The following DEAF1 variants were observed in gnomAD, a reference collection of about 807,000 sequenced individuals.
The protein encoded by DEAF1 is deformed epidermal autoregulatory factor 1 homolog.
In DEAF1, 53 loss-of-function variants were observed where a neutral mutation model predicts 58.9. The observed-to-expected ratio is 0.90, with a 90% CI of 0.72 to 1.13. The LOEUF is 1.13. Among genes scored for constraint, DEAF1 ranks in the 50% most tolerant of loss-of-function variants. The pLI, the probability that DEAF1 is intolerant of heterozygous loss-of-function variation, is 0.00. For synonymous variants in DEAF1, 385 were observed against 340.4 expected, an observed-to-expected ratio of 1.13 and a Z score of -1.44; for missense variants, 685 against 791.4, an observed-to-expected ratio of 0.87 and a Z score of 1.61.
rs188316553 is a variant in DEAF1, at chr11:662,025, G to A, written c.1504-7974C>T. Reference sequence around the variant, plus strand: ...TCTTAAAACATTATGGGCCGGGCGCGGTGGCTCATGCCTATAATCCCAACA... The same window carrying A: ...TCTTAAAACATTATGGGCCGGGCGCAGTGGCTCATGCCTATAATCCCAACA... On this transcript the variant is annotated intron_variant, in intron 10 of 11. Coordinates refer to ENST00000382409, the MANE Select transcript of DEAF1 (RefSeq NM_021008.4). Among the ~76,000 whole-genome samples, 460 of 152,240 alleles carry A rather than the reference G, an allele frequency of 3.0e-3. 3 individuals carry two copies. Among genetic ancestry groups the A allele is most frequent in the South Asian group, 7.0e-3 (34 of 4,826 alleles).
At chr11:651,842 C>G (rs1339849505) in intron 11 of DEAF1, among the ~76,000 whole-genome samples, 1 of 152,190 alleles carries the variant, frequency 6.6e-6, no homozygotes, top group South Asian at 2.1e-4. Context: ...GCTGAGATGG[C>G]GCCACTACAC....
At chr11:699,010 G>C, upstream of DEAF1, 5 of 1,202,156 alleles carry the variant, frequency 4.2e-6, no homozygotes, top group South Asian at 3.6e-5. Flanking sequence ...CTTTGGAGAG[G>C]GGGGTGTTCC....
intron 10 of DEAF1, among the ~76,000 whole-genome samples, chr11:659,553 C>G (rs1006512399): frequency 6.6e-6 from 1 of 152,194 alleles, no homozygotes; most frequent in Non-Finnish European, 1.5e-5. Context: ...CTCGATGGAG[C>G]CAACTCCGTG....
At chr11:645,662 C>T (rs912061721) in intron 11 of DEAF1, among the ~76,000 whole-genome samples, 1 of 152,170 alleles carries the variant, frequency 6.6e-6, no homozygotes, top group Non-Finnish European at 1.5e-5. Flanking sequence ...AAACTGGAAC[C>T]AGCCCGTGGC....
At chr11:656,682 C>T (rs1173146815) in intron 10 of DEAF1, among the ~76,000 whole-genome samples, 8 of 152,046 alleles carry the variant, frequency 5.3e-5, no homozygotes, top group Non-Finnish European at 1.0e-4. Context: ...CACGGGTCTC[C>T]GTGTCCAGCA....
At chr11:698,838 A>G (rs1861315989), upstream of DEAF1, 4 of 1,614,034 alleles carry the variant, frequency 2.5e-6, no homozygotes, top group African/African-American at 4.0e-5. Flanking sequence ...GGTGGCTGTC[A>G]GGCCTTGCTC....
chr11:648,465 G>A (rs946739712), intron 11 of DEAF1, among the ~76,000 whole-genome samples: 8 of 152,190 alleles, frequency 5.3e-5, no homozygotes, highest in African/African-American at 1.4e-4. Flanking sequence ...AAAGTGCTGG[G>A]ATTACAGGCG....
rs1858409894 is a variant in DEAF1, at chr11:644,873, AAAC to A, written c.1594-222_1594-220del. The stretch of plus-strand genomic sequence containing the variant: ...GGTTTGAGGAATTGGATCAAAAGGC[AAAC>A]AACAGGCAGGGCACGGTGGCTCACG... On this transcript the variant is annotated intron_variant, in intron 11 of 11. Transcript: ENST00000382409. The surrounding 1 kb of genome is among the most constrained non-coding windows in gnomAD (Gnocchi z 4.3). Among the ~76,000 whole-genome samples the A allele has an allele frequency of 6.6e-6, 1 of 152,170 alleles. No individual in the cohort carries two copies. Among genetic ancestry groups the A allele is most frequent in the African/African-American group, 2.4e-5 (1 of 41,436 alleles).
intron 10 of DEAF1, chr11:654,627 G>T (rs1188298043): frequency 1.3e-5 from 6 of 454,876 alleles, no homozygotes; most frequent in Non-Finnish European, 2.2e-5. Flanking sequence ...GTAATCCCAG[G>T]ACTTTGGGCA....
At chr11:692,581 G>C (rs1053032306) in intron 1 of DEAF1, among the ~76,000 whole-genome samples, 1 of 152,168 alleles carries the variant, frequency 6.6e-6, no homozygotes, top group African/African-American at 2.4e-5. Context: ...AGCCGGGCGC[G>C]GTGGCTCACG....
At position 688,133 on chromosome 11, in the gene DEAF1, C is replaced by T; in HGVS notation, c.518-76G>A. 6.3e-7 allele frequency: 1 copy of T among 1,598,082 alleles called. No individual in the cohort carries two copies. The highest frequency in any genetic ancestry group is 8.6e-7 in the Non-Finnish European group (1 of 1,168,970). ...AGTACACTCTCATCTCAGACACCACCTCCCCGGCAGCGCCACCTCCTTCAA... is the reference window on the plus strand; with the variant it reads ...AGTACACTCTCATCTCAGACACCACTTCCCCGGCAGCGCCACCTCCTTCAA... On this transcript the variant is annotated intron_variant, in intron 3 of 11. Coordinates refer to ENST00000382409, the MANE Select transcript of DEAF1 (RefSeq NM_021008.4). The surrounding 1 kb of genome is among the most constrained non-coding windows in gnomAD (Gnocchi z 4.3).
At chr11:651,034 C>G (rs1858744519) in intron 11 of DEAF1, 1 of 153,520 alleles carries the variant, frequency 6.5e-6, no homozygotes, top group Admixed American at 6.5e-5. Context: ...GTGATCTTGG[C>G]TTACTGCAAC....
At chr11:700,749 T>TTGC in intron 1 of DEAF1, 2 of 1,527,032 alleles carry the variant, frequency 1.3e-6, no homozygotes, top group Non-Finnish European at 1.8e-6. Flanking sequence ...GTCCTAAGAG[T>TTGC]TGCTATCTGT....
chr11:665,835 C>A (rs796431692), intron 10 of DEAF1: 12 of 152,396 alleles, frequency 7.9e-5, no homozygotes, highest in African/African-American at 2.9e-4. Context: ...GCTGCAGTCA[C>A]CCTGGCCAGA....
chr11:691,443 C>A, intron 2 of DEAF1, 58 bp downstream of exon 2: 1 of 1,527,686 alleles, frequency 6.5e-7, no homozygotes, highest in Non-Finnish European at 9.0e-7. Context: ...CTCGGGGAAG[C>A]CGGAGGCCCC....
chr11:705,810 C>T (rs1406434709), intron 1 of DEAF1, among the ~76,000 whole-genome samples: 1 of 152,212 alleles, frequency 6.6e-6, no homozygotes, highest in Non-Finnish European at 1.5e-5. Context: ...GCGCTGCCCC[C>T]GAAGTCCCAT....
chr11:703,439 G>T, intron 1 of DEAF1: 1 of 1,288,942 alleles, frequency 7.8e-7, no homozygotes, highest in South Asian at 2.8e-5. Context: ...AGTGGGGTCT[G>T]GCTTTAGCAG....
In DEAF1 at chr11:687,953, G is replaced by A. The variant is rs1009783749; in HGVS notation, c.622C>T (p.Arg208Trp). 1 of 1,614,074 alleles carries A rather than the reference G, an allele frequency of 6.2e-7. No individual in the cohort carries two copies. The highest frequency in any genetic ancestry group is 8.5e-7 in the Non-Finnish European group (1 of 1,180,022). The change falls in exon 4 of 12, where the codon CGG (arginine) becomes TGG (tryptophan). Residue 208 changes from arginine (R) to tryptophan (W), a missense_variant. Coordinates refer to ENST00000382409, the MANE Select transcript of DEAF1 (RefSeq NM_021008.4). ...VYDSELPVRCRNISGTLYKNR... is the reference protein window; with the variant it reads ...VYDSELPVRCWNISGTLYKNR... ...TTGTACAGAGTGCCGCTGATGTTCC[G>A]GCACCGTACGGGCAGCTCACTGTCG... is the stretch of plus-strand genomic sequence containing the variant.
At chr11:685,074 T>C (rs1413502738) in intron 5 of DEAF1, 111 bp from the exon 6 acceptor site, 57 of 563,208 alleles carry the variant, frequency 1.0e-4, no homozygotes, top group Admixed American at 3.3e-5. Context: ...TTCATAAATA[T>C]AAAAATTCTT....
Sources: gnomAD v4.1 joint callset for allele counts (sites outside exome capture counted in the v4.1 genomes callset) on GRCh38, gnomAD v4.1.1 for gene constraint, Gnocchi (gnomAD v3.1) non-coding constraint, MANE v1.5 for transcripts, NCBI Gene and HGNC (gene_info 2026-07-23, HGNC 2026-07-21) for gene names.